SBNO1: variants seen among roughly 807,000 people sequenced by gnomAD.
The protein encoded by SBNO1 is protein strawberry notch homolog 1.
A neutral mutation model predicts 173.6 loss-of-function variants in SBNO1; 23 were observed. The ratio of observed to expected loss-of-function variants is 0.13; its 90% CI spans 0.10 to 0.19. SBNO1 has a LOEUF of 0.19. SBNO1 is among the 10% of genes least tolerant of loss of function. The pLI is 1.00. For missense variants in SBNO1, 1,238 were observed against 1,671.2 expected, an observed-to-expected ratio of 0.74 and a Z score of 4.52; for synonymous variants, 632 against 571.5, an observed-to-expected ratio of 1.11 and a Z score of -1.51.
At position 123,353,706 on chromosome 12, in the gene SBNO1, T is replaced by G. The variant is rs553417142; in HGVS notation, c.1-3265A>C. Among the ~76,000 whole-genome samples, 5 of 152,326 alleles carry G rather than the reference T, an allele frequency of 3.3e-5. 1 individual carries two copies. The East Asian group carries it at 9.7e-4, about 29-fold the overall frequency. ...TAATACGAACAAGTACCTAGAGCTC[T>G]AAATCAATGCTTTTAACATTTTCAA... On this transcript the variant is annotated intron_variant, in intron 1 of 31. Transcript: ENST00000602398.
chr12:123,341,026 T>C lies in SBNO1; in HGVS notation c.613A>G (p.Ile205Val), dbSNP rs368812048. The C allele has an allele frequency of 6.2e-7, 1 of 1,603,932 alleles. No homozygotes were observed. The highest frequency in any genetic ancestry group is 1.3e-5 in the African/African-American group (1 of 74,348). The part of the protein sequence containing the change: ...SSNKEGARMW[I>V]NDMKMRSFSP... ...AAACTCCTCATCTTCATGTCGTTTA[T>C]CCACATTCTAGCTCCTTCTTTATTA... is the stretch of plus-strand genomic sequence containing the variant. The change falls in exon 5 of 32, where the codon ATA (isoleucine) becomes GTA (valine). Residue 205 changes from isoleucine to valine, a missense_variant. By Grantham distance (29) the Ile-to-Val change is conservative. Coordinates refer to ENST00000602398, the MANE Select transcript of SBNO1 (RefSeq NM_001167856.3).
chr12:123,361,724 C>T (rs1875207403), intron 1 of SBNO1, among the ~76,000 whole-genome samples: 1 of 64,058 alleles, frequency 1.6e-5, no homozygotes, highest in African/African-American at 7.0e-5. Context: ...CAGAGCAAGA[C>T]AGTCTAAAAA....
chr12:123,330,614 AAAG>A, intron 8 of SBNO1, 105 bp from the exon 9 acceptor site: 1 of 592,812 alleles, frequency 1.7e-6, no homozygotes, highest in Non-Finnish European at 2.8e-6. Context: ...AAAAAAAAAA[AAAG>A]AAAAAGAAAA....
chr12:123,313,325 ATT>A (rs1868855454), intron 24 of SBNO1, among the ~76,000 whole-genome samples: 1 of 151,562 alleles, frequency 6.6e-6, no homozygotes, highest in Non-Finnish European at 1.5e-5. Context: ...AAAAAAGGCT[ATT>A]TGGCAAAGTG....
chr12:123,299,681 C>CAAAAAAA (rs538218167), intron 30 of SBNO1, among the ~76,000 whole-genome samples: 33 of 93,824 alleles, frequency 3.5e-4, no homozygotes, highest in African/African-American at 6.2e-4. Context: ...ACTCTGTCTT[C>CAAAAAAA]AAAAAAAAAA....
chr12:123,352,693 A>T (rs1874020808), intron 1 of SBNO1, among the ~76,000 whole-genome samples: 1 of 152,234 alleles, frequency 6.6e-6, no homozygotes, highest in African/African-American at 2.4e-5. Flanking sequence ...TATCATTTAG[A>T]CAGATGTTCT....
At chr12:123,349,254 C>T (rs1409461536) in intron 2 of SBNO1, among the ~76,000 whole-genome samples, 3 of 152,046 alleles carry the variant, frequency 2.0e-5, no homozygotes, top group African/African-American at 7.2e-5. Flanking sequence ...TGCACACAAC[C>T]ACGGCCACCT....
chr12:123,339,470 C>A (rs1247564026), intron 5 of SBNO1, among the ~76,000 whole-genome samples: 1 of 152,054 alleles, frequency 6.6e-6, no homozygotes, highest in Non-Finnish European at 1.5e-5. Flanking sequence ...TGTCTACTGG[C>A]TCAATGGTGC....
chr12:123,341,517 C>T (rs1872565353), intron 4 of SBNO1, among the ~76,000 whole-genome samples: 1 of 152,070 alleles, frequency 6.6e-6, no homozygotes. Flanking sequence ...CTGCCTATAA[C>T]TAATTTATTT....
Position 123,345,306 on chromosome 12 carries a change from T to C in SBNO1, c.502A>G (p.Lys168Glu). Residue 168 changes from lysine to glutamate, a missense_variant, in exon 4 of 32, where the codon AAA (lysine) becomes GAA (glutamate). By Grantham distance (56) the Lys-to-Glu change is moderately conservative. Coordinates refer to ENST00000602398, the MANE Select transcript of SBNO1 (RefSeq NM_001167856.3). The stretch of plus-strand genomic sequence containing the variant: ...GCAATATTAGCAGGTGGCTTTAGTT[T>C]CATCAGTTCATTAAGACTATTATTT... ...LKNNSLNELM[K>E]LKPPANIAQP... The C allele has an allele frequency of 6.2e-7, 1 of 1,614,242 alleles. No homozygotes were observed. The highest frequency in any genetic ancestry group is 8.5e-7 in the Non-Finnish European group (1 of 1,180,032).
rs534856897 is a variant in SBNO1, at chr12:123,291,545, C to T, written c.*4363G>A. The stretch of plus-strand genomic sequence containing the variant: ...TCAAGTGCATCCCCCCAGTACAATG[C>T]ATTGCACACAACACAATAAGACATA... On this transcript the variant is annotated 3_prime_UTR_variant, in exon 32 of 32. Coordinates refer to ENST00000602398, the MANE Select transcript of SBNO1 (RefSeq NM_001167856.3). 6.6e-6 allele frequency: 1 copy of T among 152,216 alleles called. No individual in the cohort carries two copies. Among genetic ancestry groups the T allele is most frequent in the East Asian group, 1.9e-4 (1 of 5,188 alleles). 9.4% of individuals were successfully genotyped at this position (152,216 alleles called of 1,614,324 possible).
Position 123,348,144 on chromosome 12 carries a change from A to G in SBNO1, c.133-11T>C, listed in dbSNP as rs756199521. ...ACTAAGTGGCACTGACTGGAGAGAA[A>G]ACAACATCAGACAAAAAATAAAAGG... On this transcript the variant is annotated splice_polypyrimidine_tract_variant and intron_variant, in intron 2 of 31. Transcript: ENST00000602398. 1 of 1,456,814 alleles carries G rather than the reference A, an allele frequency of 6.9e-7. No individual in the cohort carries two copies. The highest frequency in any genetic ancestry group is 2.0e-5 in the Admixed American group (1 of 50,818). The allele number at this position is 1,456,814 out of a possible 1,614,324, so 90.2% of individuals were successfully genotyped here. A position where few individuals can be genotyped will look rare whatever the true frequency, so the allele number is the denominator to read the frequency against.
In SBNO1 at chr12:123,309,366, T is replaced by C; in HGVS notation, c.3574A>G (p.Thr1192Ala). 2 of 1,614,168 alleles carry C rather than the reference T, an allele frequency of 1.2e-6. No individual in the cohort carries two copies. Among genetic ancestry groups the C allele is most frequent in the Non-Finnish European group, 1.7e-6 (2 of 1,179,990 alleles). ...VERGMSWEEA[T>A]KIWAELTGPD... ...CCTGTCAGCTCAGCCCAAATCTTGG[T>C]AGCTTCCTCCCATGACATTCCCCTC... Residue 1192 changes from threonine to alanine, a missense_variant, in exon 28 of 32, where the codon ACC becomes GCC. By Grantham distance (58) the Thr-to-Ala change is moderately conservative. Coordinates refer to ENST00000602398, the MANE Select transcript of SBNO1 (RefSeq NM_001167856.3).
At chr12:123,345,088 T>A (rs969896121) in intron 4 of SBNO1, among the ~76,000 whole-genome samples, 170 bp downstream of exon 4, 1 of 152,210 alleles carries the variant, frequency 6.6e-6, no homozygotes, top group East Asian at 1.9e-4. Context: ...ACCCAAGGCA[T>A]CTAAACTTTT....
intron 1 of SBNO1, among the ~76,000 whole-genome samples, chr12:123,361,546 C>T (rs1593429461): frequency 6.6e-6 from 1 of 150,436 alleles, no homozygotes; most frequent in Admixed American, 6.6e-5. Flanking sequence ...AAAACTCCAT[C>T]TCAAAAAATA....
intron 7 of SBNO1, 149 bp from the exon 8 acceptor site, chr12:123,331,524 T>C (rs1593376077): frequency 1.3e-6 from 1 of 799,242 alleles, no homozygotes; most frequent in Non-Finnish European, 1.9e-6. Flanking sequence ...TTTCATAGAG[T>C]TTTGGATTTT....
At chr12:123,327,025 C>T (rs796996687) in intron 13 of SBNO1, among the ~76,000 whole-genome samples, 6 of 152,122 alleles carry the variant, frequency 3.9e-5, no homozygotes, top group South Asian at 4.1e-4. Context: ...TTTTGTTTTG[C>T]GATGGAGTAT....
intron 23 of SBNO1, among the ~76,000 whole-genome samples, chr12:123,314,874 G>A (rs973014712): frequency 2.2e-4 from 33 of 151,714 alleles, no homozygotes; most frequent in African/African-American, 7.5e-4. Context: ...GGGATTATAG[G>A]TGTGAGCAAC....
chr12:123,313,560 G>C, intron 24 of SBNO1, 60 bp downstream of exon 24: 1 of 907,354 alleles, frequency 1.1e-6, no homozygotes, highest in Non-Finnish European at 1.7e-6. Context: ...CATTACAACA[G>C]GTTTGAGTAC....
Sources: gnomAD v4.1 joint callset for allele counts (sites outside exome capture counted in the v4.1 genomes callset) on GRCh38, gnomAD v4.1.1 for gene constraint, MANE v1.5 for transcripts, NCBI Gene and HGNC (gene_info 2026-07-23, HGNC 2026-07-21) for gene names.